The following NCOA6 variants were observed in gnomAD, a reference collection of about 807,000 sequenced individuals.
NCOA6 encodes nuclear receptor coactivator 6, also known as NRC RAP250.
NCOA6 carries 49 observed loss-of-function variants against 171.4 expected under a neutral mutation model. The observed-to-expected ratio is 0.29, with a 90% confidence interval of 0.23 to 0.36. NCOA6 has a LOEUF of 0.36. NCOA6 is among the 10% of genes least tolerant of loss of function. The pLI, the probability that NCOA6 is intolerant of heterozygous loss-of-function variation, is 1.00. For synonymous variants in NCOA6, 910 were observed against 927.5 expected (o/e 0.98, Z 0.34); for missense variants, 2,248 against 2,554.5 (o/e 0.88, Z 2.59).
intron 5 of NCOA6, among the ~76,000 whole-genome samples, chr20:34,766,894 C>T (rs576083423): frequency 6.6e-6 from 1 of 152,140 alleles, no homozygotes; most frequent in Non-Finnish European, 1.5e-5. Context: ...CATGTCCTTC[C>T]AGTAGTGGCA....
intron 2 of NCOA6, among the ~76,000 whole-genome samples, chr20:34,783,566 A>G (rs2077573821): frequency 6.6e-6 from 1 of 152,178 alleles, no homozygotes; most frequent in South Asian, 2.1e-4. Flanking sequence ...GAAACCTAAG[A>G]ACCTCCCACA....
rs1162524099 is a variant in NCOA6, at chr20:34,727,387, A to G, written c.6020T>C (p.Val2007Ala). The change falls in exon 14 of 15, where the codon GTT becomes GCT. Residue 2007 changes from valine (V) to alanine (A), a missense_variant. Physicochemically the swap from Val to Ala is moderately conservative, Grantham distance 64 (BLOSUM62 0). Coordinates refer to ENST00000359003, the MANE Select transcript of NCOA6 (RefSeq NM_014071.5). Reference protein sequence around the residue: ...SGQSSEPKEIVEKSKIPGRRN... With the variant: ...SGQSSEPKEIAEKSKIPGRRN... The stretch of plus-strand genomic sequence containing the variant: ...TCGGCCTGGGATTTTGGACTTTTCA[A>G]CTATCTCTTTGGGCTCACTGCTGAC... 1 of 1,613,876 alleles carries G rather than the reference A, an allele frequency of 6.2e-7. No individual in the cohort carries two copies. Among genetic ancestry groups the G allele is most frequent in the Non-Finnish European group, 8.5e-7 (1 of 1,180,038 alleles).
chr20:34,811,236 T>TAC (rs2078655998), intron 1 of NCOA6, among the ~76,000 whole-genome samples: 1 of 135,706 alleles, frequency 7.4e-6, no homozygotes, highest in Non-Finnish European at 1.6e-5. Flanking sequence ...TATATATATA[T>TAC]GCTTTCAAAA....
intron 1 of NCOA6, among the ~76,000 whole-genome samples, chr20:34,823,006 T>C (rs2079052709): frequency 6.6e-6 from 1 of 152,232 alleles, no homozygotes; most frequent in Non-Finnish European, 1.5e-5. Context: ...ATGCGCATCA[T>C]GTCTTTGAAA....
chr20:34,821,651 GATCTCGGCTCACTGCA>G (rs1232296286), intron 1 of NCOA6: 1 of 150,204 alleles, frequency 6.7e-6, no homozygotes, highest in African/African-American at 2.5e-5. Flanking sequence ...GCAGTGGTGC[GATCTCGGCTCACTGCA>G]AGCTCCGCCT....
intron 2 of NCOA6, among the ~76,000 whole-genome samples, chr20:34,790,436 G>C (rs2077835583): frequency 6.6e-6 from 1 of 152,012 alleles, no homozygotes; most frequent in African/African-American, 2.4e-5. Flanking sequence ...CTCACTGTAA[G>C]CTCCGCCTCC....
chr20:34,787,808 C>T lies in NCOA6; in HGVS notation c.-50+4642G>A, dbSNP rs142011885. On this transcript the variant is annotated intron_variant, in intron 2 of 14. Coordinates refer to ENST00000359003, the MANE Select transcript of NCOA6 (RefSeq NM_014071.5). The stretch of plus-strand genomic sequence containing the variant: ...CTGCTCCTGCAGAGCAGGACTACCC[C>T]ATAGGCAGTGTGCTGAGACTGGCAG... Among the ~76,000 whole-genome samples, 235 of 152,098 alleles carry T rather than the reference C, an allele frequency of 1.5e-3. 2 individuals carry two copies. The highest frequency in any genetic ancestry group is 2.6e-3 in the Non-Finnish European group (179 of 68,000).
intron 3 of NCOA6, among the ~76,000 whole-genome samples, chr20:34,779,001 G>C (rs2077436137): frequency 6.6e-6 from 1 of 150,398 alleles, no homozygotes; most frequent in Non-Finnish European, 1.5e-5. Flanking sequence ...ACAAGACTTA[G>C]GGCGACACAT....
chr20:34,731,580 C>T (rs546209691), intron 13 of NCOA6, among the ~76,000 whole-genome samples: 13 of 152,314 alleles, frequency 8.5e-5, no homozygotes, highest in African/African-American at 2.9e-4. Flanking sequence ...ATTAAGGATG[C>T]ATGGCATGGA....
chr20:34,781,964 CAT>C, intron 3 of NCOA6, among the ~76,000 whole-genome samples, 155 bp downstream of exon 3: 1 of 152,182 alleles, frequency 6.6e-6, no homozygotes, highest in Middle Eastern at 3.4e-3. Flanking sequence ...AGAAAGAAAA[CAT>C]GTATATTTTT....
intron 12 of NCOA6, 103 bp downstream of exon 12, chr20:34,736,587 C>T (rs1487742386): frequency 1.1e-6 from 1 of 939,256 alleles, no homozygotes; most frequent in Non-Finnish European, 1.6e-6. Context: ...TAAAATAGTT[C>T]CTGTCACTTC....
intron 14 of NCOA6, among the ~76,000 whole-genome samples, chr20:34,722,279 G>C (rs185301758): frequency 1.4e-3 from 208 of 151,870 alleles, no homozygotes; most frequent in African/African-American, 4.4e-3. Flanking sequence ...TACTTGGGAG[G>C]CTGAGGCACA....
chr20:34,816,873 C>A (rs2078852896), intron 1 of NCOA6, among the ~76,000 whole-genome samples: 1 of 151,544 alleles, frequency 6.6e-6, no homozygotes, highest in African/African-American at 2.4e-5. Context: ...GTAATCCCAG[C>A]ACTTTGGGAG....
chr20:34,752,406 C>A (rs1257680227), intron 8 of NCOA6, among the ~76,000 whole-genome samples: 2 of 152,240 alleles, frequency 1.3e-5, no homozygotes, highest in Admixed American at 6.5e-5. Context: ...TCATTAAGTA[C>A]CTGATACATA....
At chr20:34,732,251 C>G (rs2295352) in intron 13 of NCOA6, among the ~76,000 whole-genome samples, 59,086 of 152,018 alleles carry the variant, frequency 0.39, 11,881 homozygotes, top group Admixed American at 0.55. Flanking sequence ...ATATTAATAT[C>G]AATGGTAACA....
At position 34,731,458 on chromosome 20, in the gene NCOA6, G is replaced by A. The variant is rs374466036; in HGVS notation, c.5999+1101C>T. ...TAATTCTGTGACCTTGGGCAATTTA[G>A]TTAACCTTTCTGAACTTTAGATTTC... On this transcript the variant is annotated intron_variant, in intron 13 of 14. Transcript: ENST00000359003. 8.5e-5 allele frequency among the ~76,000 whole-genome samples: 13 copies of A among 152,316 alleles called. No homozygotes were observed. In the East Asian group the frequency reaches 1.2e-3, roughly 14 times the overall value.
At position 34,741,930 on chromosome 20, in the gene NCOA6, T is replaced by G; in HGVS notation, c.4326A>C (p.Lys1442Asn). The part of the protein sequence containing the change: ...SRKEQVNIEL[K>N]AVPAQEVKMV... ...TTTTAACTTCTTGGGCAGGGACTGCTTTTAGTTCAATGTTTACCTGTTCCT... is the reference window on the plus strand; with the variant it reads ...TTTTAACTTCTTGGGCAGGGACTGCGTTTAGTTCAATGTTTACCTGTTCCT... Residue 1442 changes from lysine (K) to asparagine (N), a missense_variant, in exon 11 of 15, where the codon AAA becomes AAC. Coordinates refer to ENST00000359003, the MANE Select transcript of NCOA6 (RefSeq NM_014071.5). The G allele has an allele frequency of 6.2e-7, 1 of 1,614,222 alleles. No homozygotes were observed. Among genetic ancestry groups the G allele is most frequent in the Non-Finnish European group, 8.5e-7 (1 of 1,180,038 alleles).
chr20:34,761,697 C>T (rs551309074), intron 5 of NCOA6, among the ~76,000 whole-genome samples: 5 of 151,790 alleles, frequency 3.3e-5, no homozygotes, highest in Non-Finnish European at 5.9e-5. Flanking sequence ...ACTCTGTTGC[C>T]GAGGCTGGAG....
chr20:34,739,493 T>C (rs2145521153), intron 11 of NCOA6, among the ~76,000 whole-genome samples: 1 of 152,274 alleles, frequency 6.6e-6, no homozygotes, highest in African/African-American at 2.4e-5. Context: ...CCAGCTCTCC[T>C]CTAGAGTAGC....
Sources: allele counts gnomAD v4.1 joint callset (sites outside exome capture counted in the v4.1 genomes callset), GRCh38; gene constraint gnomAD v4.1.1; transcripts MANE v1.5; gene names NCBI Gene and HGNC (gene_info 2026-07-23, HGNC 2026-07-21).